PSG6: variants seen among roughly 807,000 people sequenced by gnomAD.
PSG6 encodes pregnancy specific beta-1-glycoprotein 6.
PSG6 carries 51 observed loss-of-function variants against 43.3 expected under a neutral mutation model. The observed-to-expected ratio is 1.18, with a 90% CI of 0.94 to 1.49. PSG6 has a LOEUF of 1.49. PSG6 is among the 40% of genes most tolerant of loss of function. PSG6 has a pLI of 0.00. For missense variants in PSG6, 770 were observed against 522.2 expected (o/e 1.47, Z -4.62); for synonymous variants, 292 against 197.6 (o/e 1.48, Z -4.01).
intron 1 of PSG6, among the ~76,000 whole-genome samples, chr19:42,917,065 T>A (rs1311291933): frequency 7.3e-6 from 1 of 136,942 alleles, no homozygotes; most frequent in Non-Finnish European, 1.5e-5. Context: ...GGGCCCTCCA[T>A]GCCCTGGGTG....
chr19:42,907,495 G>C, intron 4 of PSG6, 81 bp downstream of exon 4: 1 of 1,589,074 alleles, frequency 6.3e-7, no homozygotes, highest in Non-Finnish European at 8.6e-7. Context: ...ACTTGGACCG[G>C]AGAGAGACTG....
At position 42,910,871 on chromosome 19, in the gene PSG6, C is replaced by G. The variant is rs1420526595; in HGVS notation, c.428-13G>C. ...TTGGGAGTCTCCGCTGTGCAGAAAA[C>G]AGAGAGAAGATTGCCCTGTGTGGCA... On this transcript the variant is annotated splice_polypyrimidine_tract_variant and intron_variant, in intron 2 of 5. Transcript: ENST00000187910. 2 of 1,596,734 alleles carry G rather than the reference C, an allele frequency of 1.3e-6. No homozygotes were observed. Among genetic ancestry groups the G allele is most frequent in the African/African-American group, 2.7e-5 (2 of 74,184 alleles).
rs73934314 is a variant in PSG6, at chr19:42,916,253, A to G, written c.299T>C (p.Val100Ala). Residue 100 changes from valine to alanine, a missense_variant, in exon 2 of 6, where the codon GTA becomes GCA. Physicochemically the swap from Val to Ala is moderately conservative, Grantham distance 64. Transcript: ENST00000187910. The stretch of plus-strand genomic sequence containing the variant: ...GATCAGCAGGGATGCATTGGAATAT[A>G]CTGTTTCTCGTCCACTGTAGGCAGG... ...YGPAYSGRETVYSNASLLIQN... is the reference protein window; with the variant it reads ...YGPAYSGRETAYSNASLLIQN... The G allele has an allele frequency of 3.3e-3, 5,317 of 1,612,086 alleles. 243 individuals are homozygous for G. In the African/African-American group the frequency reaches 0.062, roughly 19 times the overall value.
chr19:42,902,992 T>C (rs1245298879), intron 5 of PSG6, among the ~76,000 whole-genome samples: 7 of 151,698 alleles, frequency 4.6e-5, no homozygotes, highest in Non-Finnish European at 1.5e-5. Flanking sequence ...CTGTATCTCA[T>C]TTAATCCACA....
Position 42,916,317 on chromosome 19 carries a change from T to C in PSG6, c.235A>G (p.Ile79Val), listed in dbSNP as rs1309872431. 3.1e-6 allele frequency: 5 copies of C among 1,612,068 alleles called. 2 individuals carry two copies. In the South Asian group the frequency reaches 3.3e-5, roughly 11 times the overall value. ...KGQMTDLYHYITSYVVHGQII... is the reference protein window; with the variant it reads ...KGQMTDLYHYVTSYVVHGQII... ...TGACCGTGTACTACATATGATGTAA[T>C]GTAATGGTAGAGGTCCGTCATTTGC... Residue 79 changes from isoleucine (I) to valine (V), a missense_variant, in exon 2 of 6, where the codon ATT (isoleucine) becomes GTT (valine). By Grantham distance (29) the Ile-to-Val change is conservative. Transcript: ENST00000187910.
intron 2 of PSG6, among the ~76,000 whole-genome samples, chr19:42,911,415 C>A (rs1317909164): frequency 6.6e-6 from 1 of 151,488 alleles, no homozygotes; most frequent in African/African-American, 2.4e-5. Context: ...GAGGTCAGTT[C>A]AGTCATCAGG....
Position 42,906,854 on chromosome 19 carries a change from A to G in PSG6, c.1240+68T>C. 3 of 1,609,930 alleles carry G rather than the reference A, an allele frequency of 1.9e-6. 1 individual carries two copies. The highest frequency in any genetic ancestry group is 2.5e-6 in the Non-Finnish European group (3 of 1,177,998). On this transcript the variant is annotated intron_variant, in intron 5 of 5. Coordinates refer to ENST00000187910, the MANE Select transcript of PSG6 (RefSeq NM_001031850.4). ...GTCTGGGAATACAAATGTTTTCCTG[A>G]CTCTTCTCTGAAAGCCAGATAGACT... is the stretch of plus-strand genomic sequence containing the variant.
chr19:42,914,784 A>C (rs551314228), intron 2 of PSG6, among the ~76,000 whole-genome samples: 3 of 151,576 alleles, frequency 2.0e-5, no homozygotes, highest in African/African-American at 7.3e-5. Context: ...TGTCTCTCTC[A>C]CTGGGCCTGT....
intron 5 of PSG6, among the ~76,000 whole-genome samples, chr19:42,902,721 C>T (rs1433662780): frequency 6.6e-6 from 1 of 151,424 alleles, no homozygotes; most frequent in Non-Finnish European, 1.5e-5. Context: ...ACCTTCATGC[C>T]TGCCCCACAT....
At chr19:42,908,066 A>C in intron 3 of PSG6, 16 of 848,218 alleles carry the variant, frequency 1.9e-5, no homozygotes, top group Admixed American at 3.0e-5. Flanking sequence ...AGACTTTCTC[A>C]AGTGTCAATT....
In PSG6 at chr19:42,912,495, C is replaced by T. The variant is rs1205781947; in HGVS notation, c.428-1637G>A. On this transcript the variant is annotated intron_variant, in intron 2 of 5. Transcript: ENST00000187910. Reference sequence around the variant, plus strand: ...GCCAAAGGTGATTTGAAATTAGCAACTCCTTAAGTAGAGAGAGTCCTGTTA... The same window carrying T: ...GCCAAAGGTGATTTGAAATTAGCAATTCCTTAAGTAGAGAGAGTCCTGTTA... 1.3e-5 allele frequency among the ~76,000 whole-genome samples: 2 copies of T among 151,676 alleles called. 1 individual carries two copies. The highest frequency in any genetic ancestry group is 2.9e-5 in the Non-Finnish European group (2 of 67,942).
intron 1 of PSG6, among the ~76,000 whole-genome samples, chr19:42,917,309 C>G (rs948885947): frequency 6.6e-6 from 1 of 150,896 alleles, no homozygotes; most frequent in Non-Finnish European, 1.5e-5. Context: ...GTATTTTCCC[C>G]TATCCAGGCT....
chr19:42,916,995 G>T (rs1341533520), intron 1 of PSG6, among the ~76,000 whole-genome samples: 5 of 151,468 alleles, frequency 3.3e-5, no homozygotes, highest in Non-Finnish European at 7.4e-5. Flanking sequence ...CTTTTGTCAT[G>T]TTGGTTGCAC....
rs780081517 is a variant in PSG6, at chr19:42,916,175, C to G, written c.377G>C (p.Arg126Pro). 2 of 1,611,998 alleles carry G rather than the reference C, an allele frequency of 1.2e-6. No homozygotes were observed. Among genetic ancestry groups the G allele is most frequent in the East Asian group, 4.5e-5 (2 of 44,780 alleles). The change falls in exon 2 of 6, where the codon CGA (arginine) becomes CCA (proline). Residue 126 changes from arginine to proline, a missense_variant. Physicochemically the swap from Arg to Pro is moderately radical, Grantham distance 103. Coordinates refer to ENST00000187910, the MANE Select transcript of PSG6 (RefSeq NM_001031850.4). ...AGSYTLHIIK[R>P]GDGTGGVTGY... The stretch of plus-strand genomic sequence containing the variant: ...AGTTACTCCTCCAGTCCCATCGCCT[C>G]GCTTTATGATGTGTAAGGTGTAGGA...
At chr19:42,911,343 A>C (rs1012871832) in intron 2 of PSG6, among the ~76,000 whole-genome samples, 4 of 151,638 alleles carry the variant, frequency 2.6e-5, no homozygotes, top group Non-Finnish European at 4.4e-5. Context: ...GGTATTAGAA[A>C]GCCTGGCCTG....
Position 42,907,781 on chromosome 19 carries a change from G to C in PSG6, c.780C>G (p.Thr260=). ...TGTAGTTCCGACTCTTAGGTTCACA[G>C]GTGAAGGCTAACACATCCTTCTTCT... ...PREKKDVLAF[T]CEPKSRNYTY... Residue 260 remains threonine, a synonymous_variant, in exon 4 of 6, where the codon ACC becomes ACG. Coordinates refer to ENST00000187910, the MANE Select transcript of PSG6 (RefSeq NM_001031850.4). 6.2e-7 allele frequency: 1 copy of C among 1,611,162 alleles called. No homozygotes were observed. The highest frequency in any genetic ancestry group is 8.5e-7 in the Non-Finnish European group (1 of 1,179,096).
At chr19:42,910,549 C>A (rs775217000) in intron 3 of PSG6, 31 bp downstream of exon 3, 1 of 1,612,580 alleles carries the variant, frequency 6.2e-7, no homozygotes, top group Non-Finnish European at 8.5e-7. Flanking sequence ...GGGATGGCAG[C>A]CTGGCTCACA....
rs558456048 is a variant in PSG6, at chr19:42,903,496, A to G, written c.1241-1050T>C. The G allele has an allele frequency of 5.4e-5, 55 of 1,022,642 alleles. 1 individual carries two copies. The South Asian group carries it at 1.2e-3, about 22-fold the overall frequency. The allele number at this position is 1,022,642 out of a possible 1,614,324, so 63.3% of individuals were successfully genotyped here. On this transcript the variant is annotated intron_variant, in intron 5 of 5. Transcript: ENST00000187910. The stretch of plus-strand genomic sequence containing the variant: ...GGAAACAGAATAGAGGAAATTACTG[A>G]AACCAAAAGTTGATTCTTCAAAATA...
chr19:42,913,333 G>A (rs956030613), intron 2 of PSG6, among the ~76,000 whole-genome samples: 1 of 151,566 alleles, frequency 6.6e-6, no homozygotes, highest in African/African-American at 2.4e-5. Flanking sequence ...TGTATTTTTA[G>A]TAGAGACGGG....
Sources: allele counts gnomAD v4.1 joint callset (sites outside exome capture counted in the v4.1 genomes callset), GRCh38; gene constraint gnomAD v4.1.1; transcripts MANE v1.5; gene names NCBI Gene and HGNC (gene_info 2026-07-23, HGNC 2026-07-21).